Variants in FSTL5 observed in about 807,000 individuals in gnomAD.
The protein encoded by FSTL5 is follistatin like 5, also known as follistatin-related protein 5.
FSTL5 carries 62 observed loss-of-function variants against 89.1 expected under a neutral mutation model. The observed-to-expected ratio is 0.70, with a 90% confidence interval of 0.57 to 0.86. The LOEUF is 0.86. FSTL5 is among the 40% of genes least tolerant of loss of function. The pLI is 0.00. For synonymous variants in FSTL5, 383 were observed against 346.2 expected (o/e 1.11, Z -1.18); for missense variants, 1,057 against 1,001.6 (o/e 1.06, Z -0.75).
At chr4:161,788,193 T>C (rs535279140) in intron 4 of FSTL5, among the ~76,000 whole-genome samples, 1 of 152,328 alleles carries the variant, frequency 6.6e-6, no homozygotes, top group African/African-American at 2.4e-5. Flanking sequence ...ATATACATTG[T>C]GTAATGATCA....
intron 6 of FSTL5, among the ~76,000 whole-genome samples, chr4:161,687,755 T>C (rs947558566): frequency 1.3e-5 from 2 of 152,164 alleles, no homozygotes; most frequent in Non-Finnish European, 2.9e-5. Context: ...TCTTACACCT[T>C]GCTTATGTGC....
chr4:161,759,759 T>C (rs1019939669), intron 5 of FSTL5, among the ~76,000 whole-genome samples: 11 of 152,178 alleles, frequency 7.2e-5, no homozygotes, highest in Admixed American at 2.0e-4. Flanking sequence ...CGTTCAAACG[T>C]TCTAATATAA....
At chr4:161,534,844 A>C (rs950182856) in intron 10 of FSTL5, among the ~76,000 whole-genome samples, 1 of 152,178 alleles carries the variant, frequency 6.6e-6, no homozygotes, top group South Asian at 2.1e-4. Context: ...GACAGTAAAC[A>C]AAACAGCATG....
At chr4:161,800,041 T>C (rs1326020577) in intron 4 of FSTL5, among the ~76,000 whole-genome samples, 1 of 151,720 alleles carries the variant, frequency 6.6e-6, no homozygotes, top group African/African-American at 2.4e-5. Flanking sequence ...ATTATTCAAA[T>C]AGTGTTGCCC....
At chr4:161,863,538 C>T (rs989937080) in intron 4 of FSTL5, among the ~76,000 whole-genome samples, 12 of 152,064 alleles carry the variant, frequency 7.9e-5, no homozygotes, top group African/African-American at 2.4e-4. Context: ...GGATATGATG[C>T]GGGCAAAGAA....
intron 4 of FSTL5, among the ~76,000 whole-genome samples, chr4:161,779,724 G>T: frequency 7.7e-6 from 1 of 129,682 alleles, no homozygotes; most frequent in African/African-American, 2.8e-5. Flanking sequence ...AATATTTCAT[G>T]AATTCTGTAA....
intron 6 of FSTL5, 142 bp downstream of exon 6, chr4:161,759,268 TA>T (rs1381997926): frequency 2.9e-6 from 2 of 693,406 alleles, no homozygotes; most frequent in African/African-American, 3.8e-5. Flanking sequence ...TATGTTTCAA[TA>T]CAACTTGAAA....
chr4:161,741,464 C>G (rs753471614), intron 6 of FSTL5, among the ~76,000 whole-genome samples: 3 of 152,018 alleles, frequency 2.0e-5, no homozygotes, highest in Non-Finnish European at 4.4e-5. Flanking sequence ...AGCCCTGGTA[C>G]TGACTCCTTG....
intron 7 of FSTL5, among the ~76,000 whole-genome samples, chr4:161,603,963 CAATT>C (rs112466963): frequency 6.6e-6 from 1 of 151,968 alleles, no homozygotes; most frequent in Non-Finnish European, 1.5e-5. Flanking sequence ...ACTAATCAAT[CAATT>C]AATTAATTGT....
intron 2 of FSTL5, among the ~76,000 whole-genome samples, chr4:162,077,773 T>C (rs1729926970): frequency 6.6e-6 from 1 of 151,886 alleles, no homozygotes; most frequent in African/African-American, 2.4e-5. Flanking sequence ...AACAATGGAT[T>C]CTTTTGCTTG....
At chr4:162,008,382 A>G (rs1191133768) in intron 3 of FSTL5, among the ~76,000 whole-genome samples, 1 of 151,944 alleles carries the variant, frequency 6.6e-6, no homozygotes, top group African/African-American at 2.4e-5. Flanking sequence ...ACTTATTTCC[A>G]AAAGCACCTT....
chr4:161,486,878 T>G (rs1729701458), intron 12 of FSTL5, among the ~76,000 whole-genome samples: 1 of 152,166 alleles, frequency 6.6e-6, no homozygotes, highest in African/African-American at 2.4e-5. Flanking sequence ...CCATTGTTTA[T>G]CAACAAATGT....
chr4:161,621,091 T>C (rs1266284023), intron 7 of FSTL5, among the ~76,000 whole-genome samples: 1 of 152,134 alleles, frequency 6.6e-6, no homozygotes, highest in Non-Finnish European at 1.5e-5. Context: ...TCTTGCAAGG[T>C]CACATGGGAC....
intron 3 of FSTL5, among the ~76,000 whole-genome samples, chr4:161,929,315 A>C (rs1186177018): frequency 2.0e-5 from 3 of 149,246 alleles, no homozygotes. Flanking sequence ...ACTCTGTTCC[A>C]TCACTCTTTT....
At chr4:161,867,554 T>G (rs2126896688) in intron 4 of FSTL5, among the ~76,000 whole-genome samples, 1 of 151,822 alleles carries the variant, frequency 6.6e-6, no homozygotes, top group South Asian at 2.1e-4. Context: ...ACATGGGCAA[T>G]GAAAAATAAG....
chr4:161,946,461 G>A (rs1238631987), intron 3 of FSTL5, among the ~76,000 whole-genome samples: 4 of 152,128 alleles, frequency 2.6e-5, no homozygotes, highest in Admixed American at 6.6e-5. Flanking sequence ...TGCCTTTGGG[G>A]AAGGATGCCA....
intron 2 of FSTL5, among the ~76,000 whole-genome samples, chr4:162,089,642 AAAAAAAAAG>A (rs1179379110): frequency 1.6e-5 from 2 of 123,542 alleles, no homozygotes; most frequent in African/African-American, 2.7e-5. Context: ...CAAAAAAAAA[AAAAAAAAAG>A]AAAAAAAAGA....
rs1002361613 is a variant in FSTL5, at chr4:161,941,460, T to C, written c.161-20808A>G. 7.2e-5 allele frequency among the ~76,000 whole-genome samples: 11 copies of C among 151,902 alleles called. 1 individual carries two copies. The highest frequency in any genetic ancestry group is 2.6e-4 in the Admixed American group (4 of 15,254). On this transcript the variant is annotated intron_variant, in intron 3 of 15. Transcript: ENST00000306100. ...AGTGAGAATATGAGAAAACATTCTG[T>C]GTAAGTAAGCAATAACCAAAAGAGA...
At chr4:161,620,099 A>G (rs2126644784) in intron 7 of FSTL5, among the ~76,000 whole-genome samples, 1 of 150,110 alleles carries the variant, frequency 6.7e-6, no homozygotes, top group South Asian at 2.1e-4. Context: ...AGAAAAAAAG[A>G]ACCACCGCAT....
Sources: gnomAD v4.1 joint callset for allele counts (sites outside exome capture counted in the v4.1 genomes callset) on GRCh38, gnomAD v4.1.1 for gene constraint, MANE v1.5 for transcripts, NCBI Gene and HGNC (gene_info 2026-07-23, HGNC 2026-07-21) for gene names.